The following SLIT3 variants were observed in gnomAD, a reference collection of about 807,000 sequenced individuals.
The protein encoded by SLIT3 is slit guidance ligand 3.
SLIT3 carries 68 observed loss-of-function variants against 184.0 expected under a neutral mutation model. The observed-to-expected ratio is 0.37, with a 90% CI of 0.30 to 0.45. The LOEUF (loss-of-function observed/expected upper bound fraction) is 0.45. Ranked by LOEUF, SLIT3 falls within the 20% of genes least tolerant of loss-of-function variation. SLIT3 has a pLI of 1.00. For synonymous variants in SLIT3, 831 were observed against 828.6 expected, an observed-to-expected ratio of 1.00 and a Z score of -0.05; for missense variants, 1,707 against 2,026.0, an observed-to-expected ratio of 0.84 and a Z score of 3.02.
intron 12 of SLIT3, among the ~76,000 whole-genome samples, chr5:168,777,993 G>T (rs1023972485): frequency 6.6e-6 from 1 of 152,188 alleles, no homozygotes; most frequent in Non-Finnish European, 1.5e-5. Context: ...TTGAAATGAG[G>T]TTTAGCAGTT....
chr5:168,758,476 T>C (rs1284762898), intron 16 of SLIT3, among the ~76,000 whole-genome samples: 1 of 152,222 alleles, frequency 6.6e-6, no homozygotes, highest in Admixed American at 6.5e-5. Context: ...ACAAAGTACA[T>C]TTCTCTGGTT....
intron 3 of SLIT3, among the ~76,000 whole-genome samples, chr5:169,205,834 T>C (rs1476989614): frequency 1.3e-5 from 2 of 152,316 alleles, no homozygotes; most frequent in South Asian, 2.1e-4. Flanking sequence ...ACAGTCACAA[T>C]CACAGTAGCA....
chr5:168,747,383 AT>A (rs1418239419), intron 20 of SLIT3, among the ~76,000 whole-genome samples: 2 of 152,190 alleles, frequency 1.3e-5, no homozygotes, highest in African/African-American at 2.4e-5. Flanking sequence ...GGTCACACCC[AT>A]TTTGCTCGCC....
intron 14 of SLIT3, among the ~76,000 whole-genome samples, chr5:168,770,593 G>A (rs543972682): frequency 2.0e-5 from 3 of 152,188 alleles, no homozygotes; most frequent in African/African-American, 7.2e-5. Flanking sequence ...AGAGTGCTAC[G>A]TGTCAGTCTC....
intron 3 of SLIT3, among the ~76,000 whole-genome samples, chr5:169,229,706 G>T (rs1054448325): frequency 6.6e-6 from 1 of 151,736 alleles, no homozygotes; most frequent in African/African-American, 2.4e-5. Flanking sequence ...TGATGATGAG[G>T]GAGAGGAGCA....
At chr5:168,982,970 C>G (rs1277247235) in intron 4 of SLIT3, among the ~76,000 whole-genome samples, 2 of 152,122 alleles carry the variant, frequency 1.3e-5, no homozygotes, top group African/African-American at 4.8e-5. Context: ...TCCCTTGTTG[C>G]CTTGTAATTT....
At chr5:168,862,794 C>T (rs772234480) in intron 5 of SLIT3, among the ~76,000 whole-genome samples, 1 of 152,116 alleles carries the variant, frequency 6.6e-6, no homozygotes, top group Non-Finnish European at 1.5e-5. Flanking sequence ...CCTGCTTCAG[C>T]TTCCCGAGTA....
At chr5:168,710,038 G>A (rs987585806) in intron 25 of SLIT3, 3 of 152,084 alleles carry the variant, frequency 2.0e-5, no homozygotes, top group Non-Finnish European at 2.9e-5. Context: ...CTTATCTGAG[G>A]ACATGATTTC....
chr5:169,300,499 G>A lies in SLIT3; in HGVS notation c.197+14C>T. 2 of 1,484,508 alleles carry A rather than the reference G, an allele frequency of 1.3e-6. No homozygotes were observed. Among genetic ancestry groups the A allele is most frequent in the Non-Finnish European group, 1.8e-6 (2 of 1,119,760 alleles). The allele number at this position is 1,484,508 out of a possible 1,614,324, so 92.0% of individuals were successfully genotyped here. ...AGGTGGGTGGCCCGCGTGGGGTGGG[G>A]CAGGGGTACTCACAGGCGCTCAGCG... On this transcript the variant is annotated intron_variant, in intron 1 of 35. Coordinates refer to ENST00000519560, the MANE Select transcript of SLIT3 (RefSeq NM_003062.4). The surrounding 1 kb of genome is among the most constrained non-coding windows in gnomAD (Gnocchi z 4.1).
chr5:169,086,172 G>A (rs1759290384), intron 4 of SLIT3, among the ~76,000 whole-genome samples: 1 of 152,142 alleles, frequency 6.6e-6, no homozygotes, highest in African/African-American at 2.4e-5. Context: ...TGTTTTTTAA[G>A]AGCGTAGAGG....
rs149174060 is a variant in SLIT3, at chr5:169,287,651, CCAA to C, written c.197+12859_197+12861del. On this transcript the variant is annotated intron_variant, in intron 1 of 35. Coordinates refer to ENST00000519560, the MANE Select transcript of SLIT3 (RefSeq NM_003062.4). The stretch of plus-strand genomic sequence containing the variant: ...CCTGAAAATCTCTTGGCTAGGGAAG[CCAA>C]CAAGAGGGGGAGGAACAGAACCAAG... Among the ~76,000 whole-genome samples the C allele has an allele frequency of 8.0e-3, 1,219 of 152,162 alleles. 15 individuals carry two copies. Among genetic ancestry groups the C allele is most frequent in the Non-Finnish European group, 0.01 (711 of 68,002 alleles).
intron 5 of SLIT3, among the ~76,000 whole-genome samples, chr5:168,873,784 T>C (rs902636113): frequency 1.3e-5 from 2 of 151,840 alleles, no homozygotes; most frequent in East Asian, 1.9e-4. Context: ...CAAGCTCACA[T>C]AGGTAGTGAG....
At chr5:169,001,093 C>G (rs546451126) in intron 4 of SLIT3, among the ~76,000 whole-genome samples, 70 of 152,350 alleles carry the variant, frequency 4.6e-4, no homozygotes, top group Non-Finnish European at 7.3e-4. Flanking sequence ...ATCCATAGTA[C>G]TTTTCACATT....
chr5:168,712,423 C>T (rs529194521), intron 23 of SLIT3, 69 bp from the exon 24 acceptor site: 2 of 1,367,586 alleles, frequency 1.5e-6, no homozygotes, highest in African/African-American at 2.8e-5. Flanking sequence ...CTCAGGGCCT[C>T]CAGTGCCTGG....
Position 169,300,800 on chromosome 5 carries a change from G to A in SLIT3, c.-91C>T. ...GGCGCGCGGGGAGCGCGGGCGGCCT[G>A]GGGAGCGGGCGGCGGAGTTAGCGCG... On this transcript the variant is annotated 5_prime_UTR_variant, in exon 1 of 36. Coordinates refer to ENST00000519560, the MANE Select transcript of SLIT3 (RefSeq NM_003062.4). The surrounding 1 kb of genome is among the most constrained non-coding windows in gnomAD (Gnocchi z 4.1). 1 of 1,214,586 alleles carries A rather than the reference G, an allele frequency of 8.2e-7. No homozygotes were observed. Among genetic ancestry groups the A allele is most frequent in the Non-Finnish European group, 1.0e-6 (1 of 973,722 alleles). 75.2% of individuals were successfully genotyped at this position (1,214,586 alleles called of 1,614,324 possible).
At chr5:169,134,824 C>T (rs2112190) in intron 4 of SLIT3, among the ~76,000 whole-genome samples, 50,663 of 152,104 alleles carry the variant, frequency 0.33, 8,859 homozygotes, top group Middle Eastern at 0.46. Flanking sequence ...TAGGCCCCTC[C>T]GTGGCATTTA....
chr5:168,715,604 A>G (rs1297318152), intron 23 of SLIT3, among the ~76,000 whole-genome samples: 1 of 152,250 alleles, frequency 6.6e-6, no homozygotes, highest in African/African-American at 2.4e-5. Flanking sequence ...TGTCTTAAAT[A>G]GAGAAAGACT....
At chr5:168,799,966 T>C (rs1756707095) in intron 9 of SLIT3, among the ~76,000 whole-genome samples, 1 of 152,226 alleles carries the variant, frequency 6.6e-6, no homozygotes, top group Non-Finnish European at 1.5e-5. Context: ...TAGGCTATCC[T>C]GCCTCCCACC....
intron 4 of SLIT3, among the ~76,000 whole-genome samples, chr5:168,917,135 G>A (rs940299706): frequency 4.6e-5 from 7 of 152,136 alleles, no homozygotes; most frequent in East Asian, 1.9e-4. Flanking sequence ...AATAGACAGC[G>A]ACCCAACATC....
Sources: allele counts gnomAD v4.1 joint callset (sites outside exome capture counted in the v4.1 genomes callset), GRCh38; gene constraint gnomAD v4.1.1; non-coding constraint Gnocchi (gnomAD v3.1); transcripts MANE v1.5; gene names NCBI Gene and HGNC (gene_info 2026-07-23, HGNC 2026-07-21).